Variants in SLC35F2 observed in about 807,000 individuals in gnomAD.
The protein encoded by SLC35F2 is solute carrier family 35 member F2, also known as queuine/queuosine transporter SLC35F2.
SLC35F2 carries 25 observed loss-of-function variants against 38.1 expected under a neutral mutation model. The ratio of observed to expected loss-of-function variants is 0.66; its 90% CI spans 0.48 to 0.92. The LOEUF (loss-of-function observed/expected upper bound fraction) is 0.92, where lower values mean the gene tolerates loss of function less well. SLC35F2 is among the 40% of genes least tolerant of loss of function. The probability of loss-of-function intolerance (pLI) is 0.00; values close to 1 mark genes in which losing one functional copy is unlikely to be tolerated. For missense variants in SLC35F2, 409 were observed against 452.9 expected (o/e 0.90, Z 0.88); for synonymous variants, 173 against 181.7 (o/e 0.95, Z 0.38).
rs11329610 is a variant in SLC35F2, at chr11:107,836,334, C to CTT, written c.111-20371_111-20370dup. ...GTTCTTATTTCTTTGTGCTCTAAAG[C>CTT]TTTTTTTTTGTCTGGTGGGGGGCAT... On this transcript the variant is annotated intron_variant, in intron 1 of 7. Coordinates refer to ENST00000525815, the MANE Select transcript of SLC35F2 (RefSeq NM_017515.5). 5.0e-4 allele frequency among the ~76,000 whole-genome samples: 75 copies of CTT among 149,840 alleles called. 1 individual carries two copies. Among genetic ancestry groups the CTT allele is most frequent in the South Asian group, 1.5e-3 (7 of 4,768 alleles).
chr11:107,857,188 C>T (rs1265144214), intron 1 of SLC35F2, among the ~76,000 whole-genome samples: 7 of 111,130 alleles, frequency 6.3e-5, no homozygotes, highest in East Asian at 3.2e-4. Context: ...TTGTCCAAGA[C>T]GGACGGACAC....
chr11:107,837,233 C>T (rs917921172), intron 1 of SLC35F2, among the ~76,000 whole-genome samples: 5 of 152,128 alleles, frequency 3.3e-5, no homozygotes, highest in Non-Finnish European at 1.5e-5. Context: ...TGAGCTCTTA[C>T]GTATATTAAC....
chr11:107,821,157 ACATCT>A (rs1325354845), intron 1 of SLC35F2, among the ~76,000 whole-genome samples: 2 of 152,184 alleles, frequency 1.3e-5, no homozygotes, highest in East Asian at 3.8e-4. Context: ...AGCATTTTTC[ACATCT>A]CATAATGGAC....
At chr11:107,810,985 C>A in intron 3 of SLC35F2, 1 of 983,822 alleles carries the variant, frequency 1.0e-6, no homozygotes. Context: ...AAGTTATAAA[C>A]AAACTGTGAC....
In SLC35F2 at chr11:107,830,541, G is replaced by A. The variant is rs200680006; in HGVS notation, c.111-14576C>T. Among the ~76,000 whole-genome samples the A allele has an allele frequency of 8.0e-4, 110 of 138,096 alleles. 1 individual carries two copies. The East Asian group carries it at 0.015, about 19-fold the overall frequency. 90.6% of individuals were successfully genotyped at this position (138,096 alleles called of 152,430 possible). A position where few individuals can be genotyped will look rare whatever the true frequency, so the allele number is the denominator to read the frequency against. ...GGAGCTTGCAGTGAGCCGAGATCAC[G>A]CCACTGCACTCCAACCTGGGAGACA... On this transcript the variant is annotated intron_variant, in intron 1 of 7. Transcript: ENST00000525815.
chr11:107,836,316 T>C (rs1859930664), intron 1 of SLC35F2, among the ~76,000 whole-genome samples: 3 of 148,970 alleles, frequency 2.0e-5, no homozygotes, highest in African/African-American at 7.6e-5. Context: ...GGTGTTCTTA[T>C]TTCTTTGTGC....
intron 1 of SLC35F2, among the ~76,000 whole-genome samples, chr11:107,819,199 T>C (rs923575880): frequency 1.3e-5 from 2 of 152,206 alleles, no homozygotes; most frequent in Non-Finnish European, 2.9e-5. Context: ...AAGAACAGAA[T>C]TGGACGAGAT....
intron 1 of SLC35F2, among the ~76,000 whole-genome samples, chr11:107,837,408 C>A (rs1859945676): frequency 6.6e-6 from 1 of 151,846 alleles, no homozygotes; most frequent in Admixed American, 6.6e-5. Context: ...TGAAATAAGG[C>A]CAGGAGCAGC....
intron 3 of SLC35F2, among the ~76,000 whole-genome samples, chr11:107,811,437 C>G (rs1349320827): frequency 6.6e-6 from 1 of 152,208 alleles, no homozygotes; most frequent in Non-Finnish European, 1.5e-5. Flanking sequence ...TTGGTAGGAA[C>G]TGTTCTAATC....
chr11:107,808,119 G>A (rs919465764), intron 3 of SLC35F2, among the ~76,000 whole-genome samples: 4 of 152,122 alleles, frequency 2.6e-5, no homozygotes, highest in Non-Finnish European at 5.9e-5. Context: ...AAGAAGCATG[G>A]GTTACTGTGA....
At chr11:107,807,707 G>A (rs1234784080) in intron 3 of SLC35F2, among the ~76,000 whole-genome samples, 1 of 152,004 alleles carries the variant, frequency 6.6e-6, no homozygotes, top group African/African-American at 2.4e-5. Context: ...CCAAGGAGCT[G>A]GGATTACAGC....
intron 1 of SLC35F2, among the ~76,000 whole-genome samples, chr11:107,840,971 A>C (rs1860005693): frequency 1.3e-5 from 2 of 152,094 alleles, no homozygotes; most frequent in African/African-American, 4.8e-5. Flanking sequence ...CATCCCTTCT[A>C]GTCTTTCAAC....
At chr11:107,830,176 C>G (rs535929458) in intron 1 of SLC35F2, among the ~76,000 whole-genome samples, 5 of 152,138 alleles carry the variant, frequency 3.3e-5, no homozygotes, top group East Asian at 3.9e-4. Flanking sequence ...AGAAAAGAAG[C>G]CTCTATATTA....
intron 1 of SLC35F2, among the ~76,000 whole-genome samples, chr11:107,838,991 C>T (rs1378235318): frequency 6.6e-6 from 1 of 152,116 alleles, no homozygotes; most frequent in African/African-American, 2.4e-5. Flanking sequence ...TACCATTATA[C>T]TGTTGAAAAA....
At chr11:107,823,289 G>A (rs772203659) in intron 1 of SLC35F2, 53 of 835,314 alleles carry the variant, frequency 6.3e-5, no homozygotes, top group Admixed American at 1.2e-4. Flanking sequence ...CCAAGTGACC[G>A]ATAAGATGCA....
At chr11:107,852,742 TGC>T (rs1860207281) in intron 1 of SLC35F2, among the ~76,000 whole-genome samples, 1 of 150,122 alleles carries the variant, frequency 6.7e-6, no homozygotes, top group African/African-American at 2.5e-5. Context: ...CATGGTGGCA[TGC>T]GCCTGTAATC....
intron 1 of SLC35F2, among the ~76,000 whole-genome samples, chr11:107,842,257 CAAA>C (rs541185009): frequency 2.7e-3 from 103 of 37,864 alleles, no homozygotes; most frequent in African/African-American, 9.2e-3. Context: ...CTCCGTCTCA[CAAA>C]AAAAAAAAAA....
chr11:107,827,520 G>A (rs955178439), intron 1 of SLC35F2, among the ~76,000 whole-genome samples: 1 of 151,974 alleles, frequency 6.6e-6, no homozygotes. Context: ...AGGCCGGGGC[G>A]GGAGGATCAC....
chr11:107,850,270 G>C (rs1342857876), intron 1 of SLC35F2, among the ~76,000 whole-genome samples: 2 of 152,178 alleles, frequency 1.3e-5, no homozygotes, highest in Non-Finnish European at 2.9e-5. Context: ...GATGTTTGTG[G>C]AGGCTGGGAG....
Sources: allele counts gnomAD v4.1 joint callset (sites outside exome capture counted in the v4.1 genomes callset), GRCh38; gene constraint gnomAD v4.1.1; transcripts MANE v1.5; gene names NCBI Gene and HGNC (gene_info 2026-07-23, HGNC 2026-07-21).